The following IL17REL variants were observed in gnomAD, a reference collection of about 807,000 sequenced individuals.
The protein encoded by IL17REL is interleukin-17 receptor E-like protein.
IL17REL carries 36 observed loss-of-function variants against 49.0 expected under a neutral mutation model. The observed-to-expected ratio is 0.73, with a 90% CI of 0.56 to 0.97. IL17REL has a LOEUF of 0.97. Among genes scored for constraint, IL17REL ranks in the 50% least tolerant of loss-of-function variants. The pLI is 0.00. For missense variants in IL17REL, 470 were observed against 453.9 expected, an observed-to-expected ratio of 1.04 and a Z score of -0.32; for synonymous variants, 206 against 192.4, an observed-to-expected ratio of 1.07 and a Z score of -0.58.
rs1312292925 is a variant in IL17REL, at chr22:49,998,190, G to GC, written c.720dup (p.Pro241AlafsTer7). ...TGCAGCTTACGGCAGCCGGCCCCCG[G>GC]CCCCGGGCGCCAGCACAGGCTCACA... On this transcript the variant is annotated frameshift_variant, in exon 8 of 13. Transcript: ENST00000341280. LOFTEE classifies it high-confidence loss of function. The GC allele has an allele frequency of 1.2e-6, 2 of 1,611,292 alleles. No homozygotes were observed. Among genetic ancestry groups the GC allele is most frequent in the Non-Finnish European group, 1.7e-6 (2 of 1,179,420 alleles).
At chr22:49,997,930 C>T in intron 9 of IL17REL, 95 bp downstream of exon 11, 1 of 1,525,722 alleles carries the variant, frequency 6.6e-7, no homozygotes, top group Non-Finnish European at 8.9e-7. Context: ...AGGCTAGGCT[C>T]CAGGGCTGGG....
chr22:50,001,144 T>G lies in IL17REL; in HGVS notation c.47A>C (p.Gln16Pro), dbSNP rs765154609. 2.5e-6 allele frequency: 4 copies of G among 1,607,100 alleles called. No homozygotes were observed. In the Admixed American group the frequency reaches 6.8e-5, roughly 27 times the overall value. Residue 16 changes from glutamine to proline, a missense_variant, in exon 2 of 13, where the codon CAG becomes CCG. Coordinates refer to ENST00000341280, the Ensembl canonical transcript of IL17REL. The stretch of plus-strand genomic sequence containing the variant: ...CGCGCAGCCGTCAGAGGGGACACAC[T>G]GCATGGCAGTGGAGGACGTCAGGGC...
At chr22:49,997,938 G>A (rs1418156617) in intron 9 of IL17REL, 87 bp downstream of exon 11, 13 of 1,539,438 alleles carry the variant, frequency 8.4e-6, no homozygotes, top group Non-Finnish European at 1.1e-5. Context: ...CTCCAGGGCT[G>A]GGCAAGGGCC....
chr22:49,994,010 C>T (rs2061019023), downstream of IL17REL, among the ~76,000 whole-genome samples: 1 of 151,904 alleles, frequency 6.6e-6, no homozygotes, highest in African/African-American at 2.4e-5. Flanking sequence ...CCCACTGTGC[C>T]CCTGACCTCC....
At chr22:49,995,492 G>GGCTCAGCT (rs1369102472) in exon 13 of IL17REL, 1 of 152,332 alleles carries the variant, frequency 6.6e-6, no homozygotes, top group Non-Finnish European at 1.5e-5. Flanking sequence ...AGGGGGGCCT[G>GGCTCAGCT]GCTCAGCTGT....
chr22:49,992,211 C>T (rs1378795204), downstream of IL17REL, among the ~76,000 whole-genome samples: 2 of 152,268 alleles, frequency 1.3e-5, no homozygotes, highest in South Asian at 4.1e-4. Context: ...GAGGCCAAAA[C>T]GTTGGTCACT....
chr22:49,997,823 C>A, intron 9 of IL17REL, 81 bp from the exon 12 acceptor site: 5 of 1,484,788 alleles, frequency 3.4e-6, no homozygotes. Flanking sequence ...CAGGGACAGG[C>A]TGGGTCAGCT....
intron 1 of IL17REL, among the ~76,000 whole-genome samples, chr22:50,003,011 C>T (rs969841389): frequency 6.6e-6 from 1 of 152,170 alleles, no homozygotes; most frequent in African/African-American, 2.4e-5. Context: ...GGAGTGTTCT[C>T]AGGCAGTGGT....
intron 4 of IL17REL, 46 bp from the exon 7 acceptor site, chr22:50,000,013 C>A: frequency 7.0e-7 from 1 of 1,431,064 alleles, no homozygotes; most frequent in Non-Finnish European, 9.2e-7. Context: ...CAGCGGTCAC[C>A]GACGCGGGGC....
intron 1 of IL17REL, among the ~76,000 whole-genome samples, chr22:50,003,226 G>A (rs577023759): frequency 6.6e-6 from 1 of 152,286 alleles, no homozygotes; most frequent in Admixed American, 6.5e-5. Context: ...AACAACCCAA[G>A]AGAATTTGAG....
intron 4 of IL17REL, 79 bp downstream of exon 6, chr22:50,000,117 G>T: frequency 1.1e-6 from 1 of 924,854 alleles, no homozygotes; most frequent in Non-Finnish European, 1.5e-6. Flanking sequence ...TTTCCCAAAT[G>T]GGGCAGAAGA....
downstream of IL17REL, among the ~76,000 whole-genome samples, chr22:49,992,070 C>T (rs1448769398): frequency 6.6e-6 from 1 of 152,134 alleles, no homozygotes; most frequent in Non-Finnish European, 1.5e-5. Flanking sequence ...TTCTGATTAG[C>T]CTTTCCAAAG....
exon 5 of IL17REL, chr22:49,999,887 A>G: frequency 1.3e-6 from 2 of 1,544,242 alleles, no homozygotes; most frequent in Non-Finnish European, 1.7e-6. Context: ...CGCAGGTAGT[A>G]GTCGGGGCTC....
At chr22:50,001,454 G>C (rs2146749407) in intron 1 of IL17REL, among the ~76,000 whole-genome samples, 1 of 152,242 alleles carries the variant, frequency 6.6e-6, no homozygotes, top group Non-Finnish European at 1.5e-5. Flanking sequence ...AGTGGGCCTG[G>C]GTCAGGGGGG....
exon 13 of IL17REL, chr22:49,996,435 T>G (rs1197660493): frequency 6.5e-6 from 1 of 153,134 alleles, no homozygotes; most frequent in African/African-American, 2.4e-5. Flanking sequence ...TGATGTACCC[T>G]GGGTCCTGGG....
exon 2 of IL17REL, chr22:50,001,200 G>A (rs779163219): frequency 1.9e-6 from 3 of 1,545,470 alleles, no homozygotes; most frequent in Non-Finnish European, 2.7e-6. Flanking sequence ...TGGACACGGG[G>A]CGTGGCCGGC....
chr22:50,000,925 G>C (rs2061075729), intron 2 of IL17REL, 62 bp from the exon 4 acceptor site: 5 of 1,360,374 alleles, frequency 3.7e-6, no homozygotes, highest in Non-Finnish European at 5.0e-6. Flanking sequence ...CTCCGGACGG[G>C]GCCGTGGGAC....
At chr22:50,006,728 C>T (rs375572536) in intron 1 of IL17REL, among the ~76,000 whole-genome samples, 1 of 151,864 alleles carries the variant, frequency 6.6e-6, no homozygotes, top group Non-Finnish European at 1.5e-5. Context: ...CCGAGGCGGG[C>T]GGATCATGAG....
chr22:50,004,577 A>G (rs1290895147), intron 1 of IL17REL, among the ~76,000 whole-genome samples: 2 of 151,934 alleles, frequency 1.3e-5, no homozygotes, highest in African/African-American at 4.8e-5. Context: ...GTTGTCATCC[A>G]TATGTGTGAG....
Sources: allele counts gnomAD v4.1 joint callset (sites outside exome capture counted in the v4.1 genomes callset), GRCh38; gene constraint gnomAD v4.1.1; transcripts MANE v1.5; gene names NCBI Gene and HGNC (gene_info 2026-07-23, HGNC 2026-07-21).